Variants in SRGAP3 observed in about 807,000 individuals in gnomAD.
SRGAP3 encodes the protein SLIT-ROBO Rho GTPase-activating protein 3.
A neutral mutation model predicts 121.1 loss-of-function variants in SRGAP3; 39 were observed. The observed-to-expected ratio is 0.32, with a 90% CI of 0.25 to 0.42. The LOEUF is 0.42. Among genes scored for constraint, SRGAP3 ranks in the 10% least tolerant of loss-of-function variants. The probability of loss-of-function intolerance (pLI) is 1.00; values close to 1 mark genes in which losing one functional copy is unlikely to be tolerated. For missense variants in SRGAP3, 1,213 were observed against 1,470.6 expected, an observed-to-expected ratio of 0.82 and a Z score of 2.86; for synonymous variants, 601 against 570.0, an observed-to-expected ratio of 1.05 and a Z score of -0.77.
chr3:9,198,676 C>G (rs535363896), intron 1 of SRGAP3, among the ~76,000 whole-genome samples: 1 of 152,222 alleles, frequency 6.6e-6, no homozygotes, highest in Non-Finnish European at 1.5e-5. Context: ...ACTCCCAGCA[C>G]CTGGCATTGT....
chr3:9,281,647 G>A (rs997203920), intron 3 of SRGAP3, among the ~76,000 whole-genome samples: 5 of 151,974 alleles, frequency 3.3e-5, no homozygotes, highest in Admixed American at 6.6e-5. Context: ...CGCACAATAC[G>A]CGCCCCAATT....
At chr3:9,203,888 G>A (rs1296980412) in intron 1 of SRGAP3, among the ~76,000 whole-genome samples, 1 of 152,224 alleles carries the variant, frequency 6.6e-6, no homozygotes, top group Non-Finnish European at 1.5e-5. Context: ...AGAGTAGGCA[G>A]GGCAGGAACC....
At chr3:9,056,058 A>T (rs144789784) in intron 8 of SRGAP3, among the ~76,000 whole-genome samples, 175 bp downstream of exon 8, 1 of 151,960 alleles carries the variant, frequency 6.6e-6, no homozygotes, top group Non-Finnish European at 1.5e-5. Flanking sequence ...ACATCTTATA[A>T]ATGTTCCTCC....
intron 3 of SRGAP3, among the ~76,000 whole-genome samples, chr3:9,087,163 G>A (rs1460554135): frequency 6.6e-6 from 1 of 152,084 alleles, no homozygotes; most frequent in Non-Finnish European, 1.5e-5. Context: ...ATGAACGAAT[G>A]AAGTGACAGT....
At chr3:9,081,786 T>G (rs1416352769) in intron 3 of SRGAP3, among the ~76,000 whole-genome samples, 2 of 152,160 alleles carry the variant, frequency 1.3e-5, no homozygotes. Context: ...GAGTCTAGAA[T>G]TCTTTGTTAT....
intron 1 of SRGAP3, among the ~76,000 whole-genome samples, chr3:9,362,004 G>A (rs139316119): frequency 1.3e-5 from 2 of 151,872 alleles, no homozygotes; most frequent in African/African-American, 4.8e-5. Flanking sequence ...ATAAATATTC[G>A]TGACCCCTCT....
chr3:9,216,879 T>G (rs575236912), intron 1 of SRGAP3: 1 of 152,332 alleles, frequency 6.6e-6, no homozygotes, highest in African/African-American at 2.4e-5. Context: ...GGATGAACCC[T>G]GAAGCATTAC....
intron 2 of SRGAP3, among the ~76,000 whole-genome samples, chr3:9,123,111 T>C (rs958084931): frequency 1.6e-4 from 25 of 152,320 alleles, no homozygotes; most frequent in African/African-American, 5.8e-4. Context: ...ATTGCACTTA[T>C]ATGACATATC....
chr3:9,258,279 C>T (rs74661235), intron 3 of SRGAP3, among the ~76,000 whole-genome samples: 4,718 of 152,214 alleles, frequency 0.031, 101 homozygotes, highest in Middle Eastern at 0.078. Context: ...AGAGAACCCA[C>T]CCAAGTAGGG....
At chr3:9,277,437 T>TA (rs35927463) in intron 3 of SRGAP3, among the ~76,000 whole-genome samples, 25,581 of 142,744 alleles carry the variant, frequency 0.18, 2,447 homozygotes, top group Non-Finnish European at 0.23. Context: ...CCATCTCTAC[T>TA]AAAAAAAAAA....
At chr3:9,255,134 TTTATG>T (rs1445405021) in intron 3 of SRGAP3, among the ~76,000 whole-genome samples, 1 of 152,092 alleles carries the variant, frequency 6.6e-6, no homozygotes, top group Non-Finnish European at 1.5e-5. Context: ...AATGGTAAAT[TTTATG>T]TTATGTGAAT....
intron 14 of SRGAP3, among the ~76,000 whole-genome samples, chr3:9,022,341 A>C (rs188873608): frequency 8.5e-5 from 13 of 152,352 alleles, no homozygotes; most frequent in East Asian, 5.8e-4. Context: ...AACTAACTAA[A>C]TAAATAAATA....
intron 17 of SRGAP3, 74 bp from the exon 18 acceptor site, chr3:9,010,461 C>T (rs1276814346): frequency 6.3e-7 from 1 of 1,574,964 alleles, no homozygotes; most frequent in African/African-American, 1.4e-5. Context: ...CCTCTCATGC[C>T]AGTCCAGTTG....
chr3:9,347,426 T>C (rs1955910073), intron 1 of SRGAP3, among the ~76,000 whole-genome samples: 1 of 152,192 alleles, frequency 6.6e-6, no homozygotes, highest in South Asian at 2.1e-4. Flanking sequence ...GATCTTACAT[T>C]ACAGAAGAAT....
chr3:8,988,300 C>G (rs1357306148), intron 21 of SRGAP3, among the ~76,000 whole-genome samples: 1 of 152,130 alleles, frequency 6.6e-6, no homozygotes, highest in Non-Finnish European at 1.5e-5. Context: ...ATTTTGAGAC[C>G]AAAGAAATTT....
intron 1 of SRGAP3, among the ~76,000 whole-genome samples, chr3:9,245,958 A>G (rs1313003445): frequency 1.3e-5 from 2 of 152,204 alleles, no homozygotes; most frequent in African/African-American, 4.8e-5. Context: ...CAAGAGCCAG[A>G]GCTGTCCAAA....
At chr3:9,025,472 C>T in intron 13 of SRGAP3, 134 bp from the exon 14 acceptor site, 1 of 1,005,042 alleles carries the variant, frequency 9.9e-7, no homozygotes, top group Non-Finnish European at 1.5e-6. Flanking sequence ...GAGTCGTTCC[C>T]TATGAATGTC....
At chr3:9,116,624 A>G (rs1948815476) in intron 2 of SRGAP3, among the ~76,000 whole-genome samples, 2 of 152,186 alleles carry the variant, frequency 1.3e-5, no homozygotes, top group African/African-American at 4.8e-5. Flanking sequence ...GGAGTTGACC[A>G]GGAGGATAAT....
intron 3 of SRGAP3, among the ~76,000 whole-genome samples, chr3:9,092,809 T>C (rs905559351): frequency 1.3e-5 from 2 of 152,204 alleles, no homozygotes; most frequent in Admixed American, 6.5e-5. Context: ...TGTCATCTGT[T>C]ACTCAATCCT....
Sources: allele counts gnomAD v4.1 joint callset (sites outside exome capture counted in the v4.1 genomes callset), GRCh38; gene constraint gnomAD v4.1.1; transcripts MANE v1.5; gene names NCBI Gene and HGNC (gene_info 2026-07-23, HGNC 2026-07-21).